Variants in DPYD observed in about 807,000 individuals in gnomAD.
The protein encoded by DPYD is dihydropyrimidine dehydrogenase [NADP(+)].
In DPYD, 109 loss-of-function variants were observed where a neutral mutation model predicts 116.2. The ratio of observed to expected loss-of-function variants is 0.94; its 90% CI spans 0.80 to 1.10. The LOEUF is 1.10. Among genes scored for constraint, DPYD ranks in the 50% least tolerant of loss-of-function variants. DPYD has a pLI of 0.00. For missense variants in DPYD, 1,302 were observed against 1,254.5 expected (o/e 1.04, Z -0.57); for synonymous variants, 440 against 432.0 (o/e 1.02, Z -0.23).
At chr1:97,346,877 A>G (rs1669878177) in intron 16 of DPYD, among the ~76,000 whole-genome samples, 1 of 151,924 alleles carries the variant, frequency 6.6e-6, no homozygotes, top group South Asian at 2.1e-4. Flanking sequence ...GGTTATGACC[A>G]AGTTAATATA....
intron 11 of DPYD, among the ~76,000 whole-genome samples, chr1:97,561,216 G>T (rs1652119641): frequency 6.6e-6 from 1 of 152,172 alleles, no homozygotes. Flanking sequence ...ACCAGTCTTA[G>T]GAAACCATTC....
chr1:97,529,676 CTCTTT>C (rs896904604), intron 12 of DPYD, among the ~76,000 whole-genome samples: 1 of 148,888 alleles, frequency 6.7e-6, no homozygotes, highest in Non-Finnish European at 1.5e-5. Context: ...TTTTCTCTTT[CTCTTT>C]TCTTTTCTTT....
At chr1:97,768,775 C>A (rs902479370) in intron 3 of DPYD, among the ~76,000 whole-genome samples, 39 of 152,010 alleles carry the variant, frequency 2.6e-4, no homozygotes, top group Admixed American at 2.0e-3. Context: ...TAAGAAAAAA[C>A]CCACATTAGT....
At chr1:97,688,558 C>T (rs1041045817) in intron 7 of DPYD, among the ~76,000 whole-genome samples, 1 of 151,862 alleles carries the variant, frequency 6.6e-6, no homozygotes, top group African/African-American at 2.4e-5. Context: ...AAAAAGATGT[C>T]TCAAGATAAT....
chr1:97,891,402 C>T (rs987901083), intron 1 of DPYD, among the ~76,000 whole-genome samples: 1 of 143,578 alleles, frequency 7.0e-6, no homozygotes, highest in African/African-American at 2.6e-5. Context: ...AATAAAGATA[C>T]ACTGGTTATT....
chr1:97,771,602 T>C (rs74105004), intron 3 of DPYD, among the ~76,000 whole-genome samples: 2,353 of 152,336 alleles, frequency 0.015, 23 homozygotes, highest in Middle Eastern at 0.044. Flanking sequence ...ATAATAATTG[T>C]ATATGATACC....
intron 13 of DPYD, among the ~76,000 whole-genome samples, chr1:97,467,030 G>C (rs1003723657): frequency 1.3e-5 from 2 of 152,158 alleles, no homozygotes; most frequent in African/African-American, 4.8e-5. Context: ...CTAGCCTTGA[G>C]AAGTAAATAA....
intron 13 of DPYD, among the ~76,000 whole-genome samples, chr1:97,492,681 G>A (rs763554264): frequency 6.6e-6 from 1 of 152,078 alleles, no homozygotes; most frequent in Non-Finnish European, 1.5e-5. Flanking sequence ...TATGTTTCAA[G>A]TTCAAGCAGC....
chr1:97,273,795 T>TAA (rs1230181442), intron 18 of DPYD, among the ~76,000 whole-genome samples: 8 of 152,148 alleles, frequency 5.3e-5, no homozygotes, highest in African/African-American at 1.9e-4. Context: ...GTCTTTTGCA[T>TAA]TATTTGAAAC....
chr1:97,684,106 A>G lies in DPYD; in HGVS notation c.763-4924T>C, dbSNP rs140030681. On this transcript the variant is annotated intron_variant, in intron 7 of 22. Transcript: ENST00000370192. ...GTGGATATTTTTCTCTTGCTTGTCT[A>G]GTTCTTTTAGTTGTTATGGTAGGGT... is the stretch of plus-strand genomic sequence containing the variant. 1.9e-4 allele frequency among the ~76,000 whole-genome samples: 29 copies of G among 152,138 alleles called. No homozygotes were observed. In the East Asian group the frequency reaches 5.6e-3, roughly 29 times the overall value.
chr1:97,573,994 G>C (rs2102185287), intron 10 of DPYD, 24 bp from the exon 11 acceptor site: 1 of 1,611,870 alleles, frequency 6.2e-7, no homozygotes, highest in East Asian at 2.2e-5. Context: ...GAACAGAGAA[G>C]AAACTTGAAA....
intron 3 of DPYD, among the ~76,000 whole-genome samples, chr1:97,799,222 A>G (rs114905034): frequency 0.012 from 1,774 of 151,980 alleles, 14 homozygotes; most frequent in Middle Eastern, 0.02. Context: ...CTCTAGCCCT[A>G]TAGAATGCAA....
chr1:97,208,378 G>A (rs1410474571), intron 19 of DPYD, among the ~76,000 whole-genome samples: 2 of 149,160 alleles, frequency 1.3e-5, no homozygotes, highest in Non-Finnish European at 3.0e-5. Flanking sequence ...TCAAACTCCT[G>A]GGCACATGCA....
At chr1:97,452,694 T>C (rs1676483696) in intron 13 of DPYD, among the ~76,000 whole-genome samples, 1 of 152,070 alleles carries the variant, frequency 6.6e-6, no homozygotes. Context: ...GAGTGAGTTC[T>C]TGTAAGATGT....
At chr1:97,845,032 G>A (rs912130277) in intron 2 of DPYD, among the ~76,000 whole-genome samples, 1 of 152,200 alleles carries the variant, frequency 6.6e-6, no homozygotes, top group African/African-American at 2.4e-5. Context: ...GTGGAAAGCA[G>A]GGGGTGCTGA....
At chr1:97,390,309 T>C (rs981644157) in intron 14 of DPYD, among the ~76,000 whole-genome samples, 44 of 152,068 alleles carry the variant, frequency 2.9e-4, no homozygotes, top group Admixed American at 2.9e-3. Context: ...TTAGGTTTTG[T>C]CAAACAATTC....
chr1:97,494,368 A>C (rs1679135617), intron 13 of DPYD, among the ~76,000 whole-genome samples: 1 of 152,280 alleles, frequency 6.6e-6, no homozygotes, highest in South Asian at 2.1e-4. Context: ...AGCTTAAAAA[A>C]AAGAATTTAA....
chr1:97,610,920 A>G (rs1194150573), intron 8 of DPYD, among the ~76,000 whole-genome samples: 1 of 151,892 alleles, frequency 6.6e-6, no homozygotes. Flanking sequence ...GAAAGACATT[A>G]CCAGTTTTAG....
rs571114616 is a variant in DPYD at position 97,193,163 on chromosome 1, A to G, written c.2528T>C (p.Ile843Thr). 4.2e-5 allele frequency: 68 copies of G among 1,613,896 alleles called. No individual in the cohort carries two copies. Among genetic ancestry groups the G allele is most frequent in the East Asian group, 1.6e-4 (7 of 44,846 alleles). Residue 843 changes from isoleucine (I) to threonine (T), a missense_variant, in exon 20 of 23, where the codon ATT (isoleucine) becomes ACT (threonine). Physicochemically the swap from Ile to Thr is moderately conservative, Grantham distance 89. Coordinates refer to ENST00000370192, the MANE Select transcript of DPYD (RefSeq NM_000110.4). ...TCCATCCCAGTCTTGTAGTTCTTCAATGCTTTTCAGATAAAGCAGGGCTTT... is the reference window on the plus strand; with the variant it reads ...TCCATCCCAGTCTTGTAGTTCTTCAGTGCTTTTCAGATAAAGCAGGGCTTT... ...GLKALLYLKS[I>T]EELQDWDGQS...
Sources: gnomAD v4.1 joint callset for allele counts (sites outside exome capture counted in the v4.1 genomes callset) on GRCh38, gnomAD v4.1.1 for gene constraint, MANE v1.5 for transcripts, NCBI Gene and HGNC (gene_info 2026-07-23, HGNC 2026-07-21) for gene names.